FAM171A1: variants seen among roughly 807,000 people sequenced by gnomAD.
The protein encoded by FAM171A1 is family with sequence similarity 171 member A1.
In FAM171A1, 23 loss-of-function variants were observed where a neutral mutation model predicts 74.9. That is an observed-to-expected ratio of 0.31 (90% CI 0.22 to 0.44). The LOEUF (loss-of-function observed/expected upper bound fraction) is 0.44, where lower values mean the gene tolerates loss of function less well. Among genes scored for constraint, FAM171A1 ranks in the 20% least tolerant of loss-of-function variants. FAM171A1 has a pLI of 1.00. For missense variants in FAM171A1, 1,162 were observed against 1,159.2 expected, an observed-to-expected ratio of 1.00 and a Z score of -0.03; for synonymous variants, 527 against 505.7, an observed-to-expected ratio of 1.04 and a Z score of -0.57.
chr10:15,223,512 A>G (rs971219839), intron 5 of FAM171A1, among the ~76,000 whole-genome samples: 2 of 152,262 alleles, frequency 1.3e-5, no homozygotes, highest in African/African-American at 4.8e-5. Flanking sequence ...CTGCTCATTC[A>G]TGAATGCACA....
intron 1 of FAM171A1, among the ~76,000 whole-genome samples, chr10:15,306,927 G>A (rs945721728): frequency 2.0e-5 from 3 of 152,146 alleles, no homozygotes; most frequent in African/African-American, 4.8e-5. Flanking sequence ...CCTAGAGCAC[G>A]GCTTTCCATC....
At chr10:15,245,151 C>G (rs1203429913) in intron 5 of FAM171A1, among the ~76,000 whole-genome samples, 1 of 152,020 alleles carries the variant, frequency 6.6e-6, no homozygotes, top group Non-Finnish European at 1.5e-5. Flanking sequence ...CCTCAACCTC[C>G]ACATCCTGGG....
chr10:15,267,189 G>A (rs1386215927), intron 3 of FAM171A1, among the ~76,000 whole-genome samples: 2 of 152,340 alleles, frequency 1.3e-5, no homozygotes, highest in East Asian at 3.9e-4. Flanking sequence ...GTCAGGGCAT[G>A]GGCATGGCAA....
chr10:15,345,728 G>C (rs1011977849), intron 1 of FAM171A1, among the ~76,000 whole-genome samples: 8 of 152,156 alleles, frequency 5.3e-5, no homozygotes, highest in African/African-American at 1.9e-4. Flanking sequence ...CTCAAGCAAA[G>C]AGCAGGGTGC....
intron 1 of FAM171A1, among the ~76,000 whole-genome samples, chr10:15,294,276 C>T (rs1223734492): frequency 1.3e-5 from 2 of 152,124 alleles, no homozygotes; most frequent in Non-Finnish European, 2.9e-5. Flanking sequence ...TAGCTGGGGA[C>T]CATCTCTTTG....
intron 3 of FAM171A1, among the ~76,000 whole-genome samples, chr10:15,263,534 G>A (rs115614101): frequency 0.011 from 1,675 of 152,284 alleles, 32 homozygotes; most frequent in African/African-American, 0.038. Flanking sequence ...CGCATTTTCA[G>A]ATATAGTCTA....
Position 15,284,080 on chromosome 10 carries a change from G to A in FAM171A1, c.123C>T (p.Ser41=), listed in dbSNP as rs144807772. 3.4e-5 allele frequency: 55 copies of A among 1,613,562 alleles called. No individual in the cohort carries two copies. In the African/African-American group the frequency reaches 3.7e-4, roughly 11 times the overall value. The change falls in exon 2 of 8, where the codon AGC becomes AGT. Residue 41 remains serine (S), a synonymous_variant. Coordinates refer to ENST00000378116, the MANE Select transcript of FAM171A1 (RefSeq NM_001010924.2). The part of the protein sequence containing the change: ...AQEVTLKVHI[S]DASTHQPVAD... ...CTACGGGCTGGTGGGTGCTGGCGTC[G>A]CTGATGTGCACCTTTAACGTCACCT...
intron 1 of FAM171A1, 101 bp downstream of exon 1, chr10:15,370,855 C>A (rs1378905842): frequency 2.4e-6 from 1 of 424,438 alleles, no homozygotes; most frequent in East Asian, 1.5e-4. Flanking sequence ...TGCGTCGCCA[C>A]CACGCGGCCC....
chr10:15,354,218 G>A (rs763072101), intron 1 of FAM171A1, among the ~76,000 whole-genome samples: 17 of 152,012 alleles, frequency 1.1e-4, no homozygotes, highest in Non-Finnish European at 2.4e-4. Context: ...TGGGCAGGCT[G>A]GGCATGGTGG....
At chr10:15,260,991 CAA>C (rs1834648689) in intron 3 of FAM171A1, among the ~76,000 whole-genome samples, 1 of 152,294 alleles carries the variant, frequency 6.6e-6, no homozygotes, top group African/African-American at 2.4e-5. Flanking sequence ...TCTACGACTG[CAA>C]AGAGGAGTAG....
intron 3 of FAM171A1, among the ~76,000 whole-genome samples, chr10:15,270,631 G>C (rs992971565): frequency 6.6e-6 from 1 of 152,164 alleles, no homozygotes; most frequent in Non-Finnish European, 1.5e-5. Context: ...CCTCCCAGTA[G>C]GGGCCGACTG....
intron 1 of FAM171A1, 143 bp from the exon 2 acceptor site, chr10:15,284,248 G>C: frequency 2.8e-6 from 2 of 724,398 alleles, no homozygotes; most frequent in Non-Finnish European, 4.5e-6. Context: ...TTTTACCAGA[G>C]ACATTTTCTC....
intron 1 of FAM171A1, among the ~76,000 whole-genome samples, chr10:15,308,549 C>T (rs781090655): frequency 5.9e-5 from 9 of 151,966 alleles, no homozygotes; most frequent in Non-Finnish European, 1.2e-4. Context: ...CTGAAACCTC[C>T]GCCTACCGGG....
At chr10:15,226,364 G>A (rs545835640) in intron 5 of FAM171A1, among the ~76,000 whole-genome samples, 24 of 152,254 alleles carry the variant, frequency 1.6e-4, no homozygotes, top group South Asian at 4.1e-4. Flanking sequence ...GAAATTCTGC[G>A]TTACTGAAAT....
chr10:15,224,349 G>A lies in FAM171A1; in HGVS notation c.755-3289C>T, dbSNP rs78857766. ...TGAACAGGACGGAGCAGCTGTGCCC[G>A]GGCTGGAAAGGAGTTAGGCATCCTT... On this transcript the variant is annotated intron_variant, in intron 5 of 7. Transcript: ENST00000378116. 6.7e-3 allele frequency among the ~76,000 whole-genome samples: 1,022 copies of A among 152,210 alleles called. 3 individuals are homozygous for A. Among genetic ancestry groups the A allele is most frequent in the Admixed American group, 0.011 (171 of 15,294 alleles).
At chr10:15,242,276 A>C (rs537454259) in intron 5 of FAM171A1, among the ~76,000 whole-genome samples, 98 of 152,342 alleles carry the variant, frequency 6.4e-4, no homozygotes, top group Non-Finnish European at 1.1e-3. Flanking sequence ...AATAGCAACA[A>C]AAGTCTTATG....
intron 5 of FAM171A1, among the ~76,000 whole-genome samples, chr10:15,229,506 A>T (rs1191777962): frequency 2.7e-5 from 4 of 146,124 alleles, no homozygotes; most frequent in Non-Finnish European, 6.0e-5. Context: ...CACCAACACC[A>T]TCATCACCAT....
chr10:15,273,271 C>A lies in FAM171A1; in HGVS notation c.418+2584G>T, dbSNP rs572326723. On this transcript the variant is annotated intron_variant, in intron 3 of 7. Coordinates refer to ENST00000378116, the MANE Select transcript of FAM171A1 (RefSeq NM_001010924.2). ...AGAGAATACTATAAACAGCTCTATG[C>A]AAATAAACTAGAAAATCTAGAAGAA... Among the ~76,000 whole-genome samples the A allele has an allele frequency of 8.3e-4, 127 of 152,264 alleles. 1 individual carries two copies. Among genetic ancestry groups the A allele is most frequent in the African/African-American group, 2.9e-3 (121 of 41,550 alleles).
At chr10:15,345,512 A>G (rs1403892552) in intron 1 of FAM171A1, among the ~76,000 whole-genome samples, 1 of 152,228 alleles carries the variant, frequency 6.6e-6, no homozygotes, top group East Asian at 1.9e-4. Flanking sequence ...AGTGACCTGT[A>G]TAAAGGCAGG....
Sources: allele counts gnomAD v4.1 joint callset (sites outside exome capture counted in the v4.1 genomes callset), GRCh38; gene constraint gnomAD v4.1.1; transcripts MANE v1.5; gene names NCBI Gene and HGNC (gene_info 2026-07-23, HGNC 2026-07-21).